Variants in RGS6 observed in about 807,000 individuals in gnomAD.
RGS6 encodes the protein regulator of G protein signaling 6, also known as regulator of G-protein signaling 6.
In RGS6, 30 loss-of-function variants were observed where a neutral mutation model predicts 78.5. That is an observed-to-expected ratio of 0.38 (90% CI 0.29 to 0.52). The LOEUF (loss-of-function observed/expected upper bound fraction) is 0.52. Among genes scored for constraint, RGS6 ranks in the 20% least tolerant of loss-of-function variants. RGS6 has a pLI of 0.85. For missense variants in RGS6, 495 were observed against 609.7 expected, an observed-to-expected ratio of 0.81 and a Z score of 1.98; for synonymous variants, 206 against 206.0, an observed-to-expected ratio of 1.00 and a Z score of 0.00.
the RGS6 span, among the ~76,000 whole-genome samples, chr14:71,906,218 G>A: frequency 6.6e-6 from 1 of 152,202 alleles, no homozygotes; most frequent in South Asian, 2.1e-4. Context: ...ATTCAGGAAT[G>A]TGCCAATAAT....
intron 3 of RGS6, among the ~76,000 whole-genome samples, chr14:72,388,129 T>G (rs2088829318): frequency 6.6e-6 from 1 of 152,186 alleles, no homozygotes; most frequent in Admixed American, 6.5e-5. Context: ...CCATAACAGA[T>G]GGAGAATAGT....
chr14:72,151,512 G>A (rs1041996867), intron 2 of RGS6, among the ~76,000 whole-genome samples: 15 of 152,166 alleles, frequency 9.9e-5, no homozygotes, highest in African/African-American at 3.4e-4. Context: ...TGCACTTCAC[G>A]TGAAGACTAG....
At chr14:72,490,882 C>A (rs960483323) in intron 12 of RGS6, among the ~76,000 whole-genome samples, 2 of 152,182 alleles carry the variant, frequency 1.3e-5, no homozygotes, top group African/African-American at 4.8e-5. Flanking sequence ...ATGGTTCTCT[C>A]AAACTTGGAT....
intron 3 of RGS6, among the ~76,000 whole-genome samples, chr14:72,435,789 C>T (rs931949941): frequency 6.9e-6 from 1 of 145,236 alleles, no homozygotes; most frequent in Non-Finnish European, 1.5e-5. Flanking sequence ...ATCACATCTC[C>T]TCTCTCTGAT....
chr14:72,228,162 T>G (rs2153805541), intron 2 of RGS6, among the ~76,000 whole-genome samples: 1 of 152,148 alleles, frequency 6.6e-6, no homozygotes, highest in South Asian at 2.1e-4. Context: ...GTAGATAACT[T>G]GAGGCCAGGA....
At chr14:72,283,904 T>C (rs1259112258) in intron 2 of RGS6, among the ~76,000 whole-genome samples, 2 of 152,186 alleles carry the variant, frequency 1.3e-5, no homozygotes, top group East Asian at 1.9e-4. Context: ...GATAGTGATA[T>C]GAAAAATGAA....
intron 6 of RGS6, 148 bp downstream of exon 6, chr14:72,459,831 A>G: frequency 1.3e-6 from 1 of 769,828 alleles, no homozygotes; most frequent in Non-Finnish European, 2.2e-6. Flanking sequence ...GTTGCTATAT[A>G]ACAAATCTCC....
intron 2 of RGS6, among the ~76,000 whole-genome samples, chr14:72,159,166 G>A (rs191850702): frequency 6.6e-6 from 1 of 152,320 alleles, no homozygotes; most frequent in Non-Finnish European, 1.5e-5. Context: ...CTGTGGAGTA[G>A]AAGGAGTTAG....
chr14:72,582,048 A>T, the RGS6 span, among the ~76,000 whole-genome samples: 1 of 152,162 alleles, frequency 6.6e-6, no homozygotes, highest in Non-Finnish European at 1.5e-5. Context: ...ATATCGACCT[A>T]CTTTCATGGG....
chr14:72,437,167 C>CA (rs71109735), intron 3 of RGS6, among the ~76,000 whole-genome samples: 11,890 of 74,888 alleles, frequency 0.16, 856 homozygotes, highest in Middle Eastern at 0.23. Flanking sequence ...ACTAAAAATA[C>CA]AAAAAAAAAA....
At chr14:72,029,996 T>TC (rs1408256841) in intron 2 of RGS6, among the ~76,000 whole-genome samples, 5 of 152,234 alleles carry the variant, frequency 3.3e-5, no homozygotes, top group Admixed American at 6.5e-5. Flanking sequence ...TTGATTCTTA[T>TC]CCTGTCAATT....
chr14:71,882,111 T>A, the RGS6 span, among the ~76,000 whole-genome samples: 1 of 152,168 alleles, frequency 6.6e-6, no homozygotes, highest in African/African-American at 2.4e-5. Flanking sequence ...TAATTTCCCC[T>A]CTCAGCTTCT....
Position 72,251,023 on chromosome 14 carries a change from C to G in RGS6, c.85-101072C>G, listed in dbSNP as rs570190979. On this transcript the variant is annotated intron_variant, in intron 2 of 17. Transcript: ENST00000553525. Reference sequence around the variant, plus strand: ...CCAGATAGCTGAAGCTTAAAAAGCACTCTCTTTGTAGAGGAGCCAGAGATG... The same window carrying G: ...CCAGATAGCTGAAGCTTAAAAAGCAGTCTCTTTGTAGAGGAGCCAGAGATG... Among the ~76,000 whole-genome samples the G allele has an allele frequency of 3.3e-5, 5 of 152,314 alleles. No homozygotes were observed. The East Asian group carries it at 9.6e-4, about 29-fold the overall frequency.
intron 2 of RGS6, among the ~76,000 whole-genome samples, chr14:72,120,141 C>T (rs1362244491): frequency 6.6e-6 from 1 of 152,164 alleles, no homozygotes; most frequent in Non-Finnish European, 1.5e-5. Flanking sequence ...AGGAGATTGT[C>T]ATGGAATATT....
intron 3 of RGS6, among the ~76,000 whole-genome samples, chr14:72,390,600 A>C (rs1456255821): frequency 1.3e-5 from 2 of 151,810 alleles, no homozygotes; most frequent in African/African-American, 4.9e-5. Flanking sequence ...CACACACACA[A>C]ATGTTATCCT....
intron 2 of RGS6, among the ~76,000 whole-genome samples, chr14:72,232,857 G>C (rs1033440686): frequency 3.3e-5 from 5 of 152,192 alleles, no homozygotes; most frequent in African/African-American, 1.2e-4. Context: ...GCCAGAACAT[G>C]GGATTGACTG....
the RGS6 span, among the ~76,000 whole-genome samples, chr14:71,871,656 G>C: frequency 6.6e-6 from 1 of 152,060 alleles, no homozygotes; most frequent in South Asian, 2.1e-4. Context: ...CCAGTGCCTT[G>C]AGGTCCTCCC....
intron 3 of RGS6, among the ~76,000 whole-genome samples, chr14:72,362,533 G>A (rs1242630116): frequency 1.3e-5 from 2 of 152,138 alleles, no homozygotes; most frequent in South Asian, 4.1e-4. Flanking sequence ...CATTTGTTTG[G>A]CCTTGGTGCT....
chr14:71,964,958 T>A, intron 2 of RGS6, 83 bp downstream of exon 2: 1 of 1,012,144 alleles, frequency 9.9e-7, no homozygotes, highest in Non-Finnish European at 1.4e-6. Context: ...GACAAATGTT[T>A]TCTGCCTAAA....
Sources: gnomAD v4.1 joint callset for allele counts (sites outside exome capture counted in the v4.1 genomes callset) on GRCh38, gnomAD v4.1.1 for gene constraint, MANE v1.5 for transcripts, NCBI Gene and HGNC (gene_info 2026-07-23, HGNC 2026-07-21) for gene names.